GPHN: variants seen among roughly 807,000 people sequenced by gnomAD.
The protein encoded by GPHN is gephyrin.
GPHN carries 17 observed loss-of-function variants against 95.5 expected under a neutral mutation model. That is an observed-to-expected ratio of 0.18 (90% CI 0.12 to 0.27). GPHN has a LOEUF of 0.27. Among genes scored for constraint, GPHN ranks in the 10% least tolerant of loss-of-function variants. The pLI, the probability that GPHN is intolerant of heterozygous loss-of-function variation, is 1.00. For missense variants in GPHN, 660 were observed against 978.1 expected, an observed-to-expected ratio of 0.67 and a Z score of 4.34; for synonymous variants, 320 against 322.5, an observed-to-expected ratio of 0.99 and a Z score of 0.08.
Position 66,957,120 on chromosome 14 carries a change from TAAA to T in GPHN, c.829-8063_829-8061del, listed in dbSNP as rs201535684. 2.5e-5 allele frequency among the ~76,000 whole-genome samples: 3 copies of T among 121,854 alleles called. No homozygotes were observed. The Admixed American group carries it at 2.6e-4, about 11-fold the overall frequency. 79.9% of individuals were successfully genotyped at this position (121,854 alleles called of 152,430 possible). A position where few individuals can be genotyped will look rare whatever the true frequency, so the allele number is the denominator to read the frequency against. The stretch of plus-strand genomic sequence containing the variant: ...CCTAAAACTTAAAGTATAATAATAA[TAAA>T]AAAAAAAGAAAAAAAAAGTGTTTAA... On this transcript the variant is annotated intron_variant, in intron 8 of 22. Transcript: ENST00000478722.
intron 8 of GPHN, among the ~76,000 whole-genome samples, chr14:66,945,912 T>A (rs2067719105): frequency 6.6e-6 from 1 of 152,200 alleles, no homozygotes; most frequent in African/African-American, 2.4e-5. Flanking sequence ...AGAACAAACT[T>A]TTGTGATTTC....
At chr14:67,067,509 G>A (rs983447927) in intron 11 of GPHN, among the ~76,000 whole-genome samples, 2 of 152,218 alleles carry the variant, frequency 1.3e-5, no homozygotes, top group African/African-American at 4.8e-5. Context: ...GGACGTTTAA[G>A]TCTGCAGAAT....
chr14:67,621,848 G>A, the GPHN span, among the ~76,000 whole-genome samples: 2 of 151,376 alleles, frequency 1.3e-5, no homozygotes, highest in Non-Finnish European at 2.9e-5. Flanking sequence ...TGTAATCCCA[G>A]CACTTTGGGA....
intron 2 of GPHN, among the ~76,000 whole-genome samples, chr14:66,773,757 A>C (rs1388224659): frequency 6.6e-6 from 1 of 152,094 alleles, no homozygotes; most frequent in African/African-American, 2.4e-5. Flanking sequence ...TGTTTTAAAG[A>C]AGTGGACTCT....
chr14:67,512,093 T>C, the GPHN span, among the ~76,000 whole-genome samples: 1 of 152,190 alleles, frequency 6.6e-6, no homozygotes, highest in Non-Finnish European at 1.5e-5. Flanking sequence ...AGCAGAAAAG[T>C]ATAACCTATG....
chr14:66,673,957 C>T (rs994341452), intron 1 of GPHN, among the ~76,000 whole-genome samples: 1 of 152,036 alleles, frequency 6.6e-6, no homozygotes, highest in African/African-American at 2.4e-5. Flanking sequence ...TTCGCATATC[C>T]GTAATCTCAA....
chr14:67,691,054 A>G, the GPHN span: 1 of 863,582 alleles, frequency 1.2e-6, no homozygotes, highest in Non-Finnish European at 2.0e-6. Context: ...GTTCAATCAC[A>G]CAACAAGAAG....
the GPHN span, among the ~76,000 whole-genome samples, chr14:67,266,907 C>T: frequency 3.3e-5 from 5 of 151,876 alleles, no homozygotes; most frequent in African/African-American, 9.7e-5. Context: ...CCTAGGAGTT[C>T]GACACCAGCC....
intron 9 of GPHN, chr14:66,969,910 CATTT>C (rs1336567758): frequency 1.3e-5 from 2 of 151,612 alleles, no homozygotes; most frequent in Admixed American, 6.6e-5. Context: ...ATTTACCATT[CATTT>C]TAGATGTTAT....
intron 1 of GPHN, among the ~76,000 whole-genome samples, chr14:66,625,097 T>C (rs886759875): frequency 3.3e-5 from 5 of 152,144 alleles, no homozygotes; most frequent in African/African-American, 1.2e-4. Flanking sequence ...TCTTCTTCTT[T>C]TTGAGGCAGG....
chr14:67,734,673 C>G, the GPHN span, among the ~76,000 whole-genome samples: 16 of 152,264 alleles, frequency 1.1e-4, no homozygotes, highest in African/African-American at 3.6e-4. Flanking sequence ...GTTAGGCAGA[C>G]AGAGAAAAAG....
chr14:67,526,495 T>C, the GPHN span, among the ~76,000 whole-genome samples: 1 of 152,242 alleles, frequency 6.6e-6, no homozygotes, highest in Non-Finnish European at 1.5e-5. Flanking sequence ...AAGGGGAGAA[T>C]ATTCTTTCCA....
chr14:66,633,024 G>A (rs1263724324), intron 1 of GPHN, among the ~76,000 whole-genome samples: 8 of 152,114 alleles, frequency 5.3e-5, no homozygotes, highest in African/African-American at 1.7e-4. Flanking sequence ...AACGTCATTC[G>A]AAGTGTACAA....
chr14:67,365,682 C>A, the GPHN span, among the ~76,000 whole-genome samples: 1 of 152,104 alleles, frequency 6.6e-6, no homozygotes, highest in African/African-American at 2.4e-5. Context: ...GTTTTAGTTT[C>A]AGCCATCTTA....
intron 2 of GPHN, among the ~76,000 whole-genome samples, chr14:66,733,614 T>G (rs1181058023): frequency 1.3e-5 from 2 of 152,176 alleles, no homozygotes; most frequent in Non-Finnish European, 2.9e-5. Flanking sequence ...AAATATTCCT[T>G]TATTTACTGA....
the GPHN span, chr14:67,593,782 G>T: frequency 1.9e-6 from 3 of 1,613,002 alleles, no homozygotes; most frequent in East Asian, 6.7e-5. Flanking sequence ...CCTTGACCTT[G>T]CCCATTTCTA....
chr14:66,872,608 G>A (rs111716695), intron 4 of GPHN, among the ~76,000 whole-genome samples: 35 of 151,948 alleles, frequency 2.3e-4, no homozygotes, highest in African/African-American at 6.0e-4. Flanking sequence ...TAAGAATGCC[G>A]TATCCTCCAG....
At chr14:66,890,410 C>CAA (rs781415190) in intron 5 of GPHN, among the ~76,000 whole-genome samples, 40 of 79,728 alleles carry the variant, frequency 5.0e-4, no homozygotes, top group South Asian at 1.5e-3. Context: ...GACCCTGTCT[C>CAA]AAAAAAAAAA....
chr14:67,391,238 A>G, the GPHN span, among the ~76,000 whole-genome samples: 1 of 151,880 alleles, frequency 6.6e-6, no homozygotes, highest in Non-Finnish European at 1.5e-5. Context: ...ACGATCAATT[A>G]TATGATAAAA....
Sources: allele counts gnomAD v4.1 joint callset (sites outside exome capture counted in the v4.1 genomes callset), GRCh38; gene constraint gnomAD v4.1.1; transcripts MANE v1.5; gene names NCBI Gene and HGNC (gene_info 2026-07-23, HGNC 2026-07-21).